Variants in KCNJ3 observed in about 807,000 individuals in gnomAD.
The protein encoded by KCNJ3 is potassium inwardly rectifying channel subfamily J member 3.
A neutral mutation model predicts 39.2 loss-of-function variants in KCNJ3; 4 were observed. The observed-to-expected ratio is 0.10, with a 90% CI of 0.05 to 0.23. The LOEUF (loss-of-function observed/expected upper bound fraction) is 0.23, where lower values mean the gene tolerates loss of function less well. Among genes scored for constraint, KCNJ3 ranks in the 10% least tolerant of loss-of-function variants. The pLI, the probability that KCNJ3 is intolerant of heterozygous loss-of-function variation, is 1.00. For missense variants in KCNJ3, 276 were observed against 634.9 expected (o/e 0.43, Z 6.08); for synonymous variants, 230 against 237.4 (o/e 0.97, Z 0.29).
intron 2 of KCNJ3, among the ~76,000 whole-genome samples, chr2:154,809,152 C>T (rs1686965913): frequency 6.6e-6 from 1 of 152,066 alleles, no homozygotes; most frequent in South Asian, 2.1e-4. Context: ...TATAATCAGA[C>T]CTAGACAGCT....
chr2:154,783,514 C>T (rs1024992561), intron 2 of KCNJ3, among the ~76,000 whole-genome samples: 4 of 152,134 alleles, frequency 2.6e-5, no homozygotes, highest in African/African-American at 9.7e-5. Flanking sequence ...ATAATACTTA[C>T]ATGGCTTATG....
intron 1 of KCNJ3, among the ~76,000 whole-genome samples, chr2:154,708,056 G>T (rs959344262): frequency 1.3e-5 from 2 of 152,002 alleles, no homozygotes; most frequent in South Asian, 2.1e-4. Flanking sequence ...TTTAATTTTT[G>T]CACCATCAGA....
chr2:154,749,421 TTC>T (rs927015243), intron 2 of KCNJ3, among the ~76,000 whole-genome samples: 7 of 152,102 alleles, frequency 4.6e-5, no homozygotes, highest in African/African-American at 1.4e-4. Flanking sequence ...GGTAATCTAG[TTC>T]TCTGTCCAAC....
At chr2:154,774,778 A>C (rs1204229447) in intron 2 of KCNJ3, among the ~76,000 whole-genome samples, 1 of 152,228 alleles carries the variant, frequency 6.6e-6, no homozygotes, top group Non-Finnish European at 1.5e-5. Context: ...TACATTTTTA[A>C]AGCTTTTATA....
chr2:154,829,857 T>G (rs1025914814), intron 2 of KCNJ3, among the ~76,000 whole-genome samples: 2 of 152,106 alleles, frequency 1.3e-5, no homozygotes, highest in African/African-American at 4.8e-5. Flanking sequence ...CTTATTGTGG[T>G]TTTGATTTTT....
intron 2 of KCNJ3, among the ~76,000 whole-genome samples, chr2:154,844,827 G>T (rs541788416): frequency 6.6e-6 from 1 of 152,300 alleles, no homozygotes; most frequent in African/African-American, 2.4e-5. Flanking sequence ...GGGCAGAAGT[G>T]CCTCATTTTT....
intron 2 of KCNJ3, among the ~76,000 whole-genome samples, chr2:154,845,850 GTCT>G (rs1687655242): frequency 6.6e-6 from 1 of 151,900 alleles, no homozygotes; most frequent in Non-Finnish European, 1.5e-5. Flanking sequence ...TGTGCCTGTA[GTCT>G]TAGCTACTTG....
Position 154,854,773 on chromosome 2 carries a change from T to C in KCNJ3, c.966T>C (p.Leu322=). 1 of 1,613,866 alleles carries C rather than the reference T, an allele frequency of 6.2e-7. No homozygotes were observed. Among genetic ancestry groups the C allele is most frequent in the Non-Finnish European group, 8.5e-7 (1 of 1,179,872 alleles). The change falls in exon 3 of 3, where the codon CTT becomes CTC. Residue 322 remains leucine, a synonymous_variant. Coordinates refer to ENST00000295101, the MANE Select transcript of KCNJ3 (RefSeq NM_002239.4). The part of the protein sequence containing the change: ...ARTSYTEDEV[L]WGHRFFPVIS... ...CATCATATACTGAAGATGAAGTTCTTTGGGGTCATCGTTTTTTTCCTGTAA... is the reference window on the plus strand; with the variant it reads ...CATCATATACTGAAGATGAAGTTCTCTGGGGTCATCGTTTTTTTCCTGTAA...
chr2:154,725,141 T>C (rs1685331801), intron 2 of KCNJ3, among the ~76,000 whole-genome samples: 1 of 151,576 alleles, frequency 6.6e-6, no homozygotes, highest in South Asian at 2.1e-4. Context: ...CTATTGTTTG[T>C]TTGTTTGAAA....
At chr2:154,757,187 C>G (rs996766665) in intron 2 of KCNJ3, among the ~76,000 whole-genome samples, 3 of 151,990 alleles carry the variant, frequency 2.0e-5, no homozygotes, top group Non-Finnish European at 2.9e-5. Context: ...CATTTGAATT[C>G]AACAGAATGC....
chr2:154,807,518 A>G (rs1686932556), intron 2 of KCNJ3, among the ~76,000 whole-genome samples: 1 of 152,204 alleles, frequency 6.6e-6, no homozygotes. Flanking sequence ...TAACCTGAGA[A>G]CAGCAGTCTG....
intron 1 of KCNJ3, among the ~76,000 whole-genome samples, chr2:154,700,050 A>G (rs1175455335): frequency 1.3e-5 from 2 of 152,170 alleles, no homozygotes; most frequent in African/African-American, 4.8e-5. Context: ...ACACACAGAT[A>G]CAAGAAGCAG....
intron 2 of KCNJ3, among the ~76,000 whole-genome samples, chr2:154,841,512 A>G (rs1279431967): frequency 6.6e-6 from 1 of 152,218 alleles, no homozygotes; most frequent in Non-Finnish European, 1.5e-5. Flanking sequence ...GAATGGTATC[A>G]GCTCGTCTTT....
chr2:154,801,924 G>A (rs887790484), intron 2 of KCNJ3, among the ~76,000 whole-genome samples: 1 of 152,156 alleles, frequency 6.6e-6, no homozygotes, highest in Non-Finnish European at 1.5e-5. Context: ...ACTGCAACTG[G>A]TCTTCCTACT....
chr2:154,723,067 G>A (rs974554025), intron 2 of KCNJ3, among the ~76,000 whole-genome samples: 2 of 151,948 alleles, frequency 1.3e-5, no homozygotes, highest in Admixed American at 6.6e-5. Flanking sequence ...GATTACTTGA[G>A]CCCCCAGGAA....
chr2:154,818,990 G>GC (rs1203654860), intron 2 of KCNJ3, among the ~76,000 whole-genome samples: 17 of 126,500 alleles, frequency 1.3e-4, no homozygotes, highest in Non-Finnish European at 2.5e-4. Flanking sequence ...ATCAGGGATT[G>GC]CCAGGCAGTC....
At chr2:154,752,025 C>T (rs1685853340) in intron 2 of KCNJ3, among the ~76,000 whole-genome samples, 1 of 152,014 alleles carries the variant, frequency 6.6e-6, no homozygotes, top group Non-Finnish European at 1.5e-5. Context: ...TGGAAGGACA[C>T]AATTCACACC....
chr2:154,838,928 A>C (rs1687519811), intron 2 of KCNJ3, among the ~76,000 whole-genome samples: 2 of 152,122 alleles, frequency 1.3e-5, no homozygotes, highest in African/African-American at 4.8e-5. Flanking sequence ...CATTTTTTTA[A>C]GCTAGAAATT....
intron 2 of KCNJ3, among the ~76,000 whole-genome samples, chr2:154,831,793 A>T (rs1006662773): frequency 6.6e-6 from 1 of 152,194 alleles, no homozygotes; most frequent in Non-Finnish European, 1.5e-5. Context: ...GCAGGAGCAC[A>T]TCTAGGTGGG....
Sources: gnomAD v4.1 joint callset for allele counts (sites outside exome capture counted in the v4.1 genomes callset) on GRCh38, gnomAD v4.1.1 for gene constraint, MANE v1.5 for transcripts, NCBI Gene and HGNC (gene_info 2026-07-23, HGNC 2026-07-21) for gene names.